Variants in SAPCD2 observed in about 807,000 individuals in gnomAD.
SAPCD2 encodes the protein suppressor APC domain-containing protein 2.
Under a neutral mutation model 37.8 loss-of-function variants are expected in SAPCD2, and 34 were observed. The observed-to-expected ratio is 0.90, with a 90% CI of 0.68 to 1.20. The LOEUF (loss-of-function observed/expected upper bound fraction) is 1.20. Ranked by LOEUF, SAPCD2 falls within the 50% of genes most tolerant of loss-of-function variation. The probability of loss-of-function intolerance (pLI) is 0.00; values close to 1 mark genes in which losing one functional copy is unlikely to be tolerated. For synonymous variants in SAPCD2, 275 were observed against 270.3 expected (o/e 1.02, Z -0.17); for missense variants, 572 against 584.7 (o/e 0.98, Z 0.22).
At position 137,063,417 on chromosome 9, in the gene SAPCD2, C is replaced by T. The variant is rs1433577287; in HGVS notation, c.*1242G>A. On this transcript the variant is annotated 3_prime_UTR_variant, in exon 6 of 6. Transcript: ENST00000409687. ...ACAGGTGCCTTGTGGGACAGTGTAC[C>T]AAAGTGCCCTGGACACGAGGGGGCC... 2.0e-5 allele frequency: 3 copies of T among 152,236 alleles called. No individual in the cohort carries two copies. The highest frequency in any genetic ancestry group is 7.2e-5 in the African/African-American group (3 of 41,424). 9.4% of individuals were successfully genotyped at this position (152,236 alleles called of 1,614,324 possible).
chr9:137,066,201 A>G (rs1832543541), intron 2 of SAPCD2, 61 bp downstream of exon 2: 6 of 1,359,170 alleles, frequency 4.4e-6, no homozygotes, highest in Non-Finnish European at 1.0e-6. Context: ...CCCTGCTCCC[A>G]TCCCGGCCTC....
chr9:137,067,635 G>A (rs371177801), intron 1 of SAPCD2, among the ~76,000 whole-genome samples: 37 of 151,288 alleles, frequency 2.4e-4, no homozygotes, highest in East Asian at 1.2e-3. Flanking sequence ...TTAGCAGGGC[G>A]TGGTGGCATG....
chr9:137,065,147 C>T lies in SAPCD2; in HGVS notation c.870G>A (p.Arg290=), dbSNP rs1173508654. 6 of 1,518,878 alleles carry T rather than the reference C, an allele frequency of 4.0e-6. No homozygotes were observed. The African/African-American group carries it at 5.5e-5, about 14-fold the overall frequency. 94.1% of individuals were successfully genotyped at this position (1,518,878 alleles called of 1,614,324 possible). The part of the protein sequence containing the change: ...GAAGSPRPLG[R]LLPKVQEVAR... ...CCACCTCTTGTACCTTGGGCAGTAG[C>T]CGCCCCAGTGGGCGGGGGCTCCCTG... Residue 290 remains arginine, a synonymous_variant, in exon 4 of 6, where the codon CGG becomes CGA. Coordinates refer to ENST00000409687, the MANE Select transcript of SAPCD2 (RefSeq NM_178448.4).
chr9:137,070,201 A>G lies in SAPCD2; in HGVS notation c.260T>C (p.Phe87Ser). 1.5e-6 allele frequency: 2 copies of G among 1,372,532 alleles called. No individual in the cohort carries two copies. The highest frequency in any genetic ancestry group is 1.9e-6 in the Non-Finnish European group (2 of 1,056,002). 85.0% of individuals were successfully genotyped at this position (1,372,532 alleles called of 1,614,324 possible). A position where few individuals can be genotyped will look rare whatever the true frequency, so the allele number is the denominator to read the frequency against. Residue 87 changes from phenylalanine to serine, a missense_variant, in exon 1 of 6, where the codon TTC becomes TCC. Transcript: ENST00000409687. ...PASGYLTFER[F>S]VAGLRTSLLS... Reference sequence around the variant, plus strand: ...CAGGGAGGTGCGCAGGCCGGCCACGAAGCGCTCGAAGGTCAGGTAGCCGCT... The same window carrying G: ...CAGGGAGGTGCGCAGGCCGGCCACGGAGCGCTCGAAGGTCAGGTAGCCGCT...
chr9:137,062,682 C>G lies in SAPCD2; in HGVS notation c.*1977G>C, dbSNP rs573435418. 2 of 152,266 alleles carry G rather than the reference C, an allele frequency of 1.3e-5. No homozygotes were observed. Among genetic ancestry groups the G allele is most frequent in the Admixed American group, 6.5e-5 (1 of 15,284 alleles). 9.4% of individuals were successfully genotyped at this position (152,266 alleles called of 1,614,324 possible). Reference sequence around the variant, plus strand: ...CCGCCCAGCGTCCTAGGGCAGGCTCCAGGCAGGGTCTGCATGTGCCTCTGC... The same window carrying G: ...CCGCCCAGCGTCCTAGGGCAGGCTCGAGGCAGGGTCTGCATGTGCCTCTGC... On this transcript the variant is annotated 3_prime_UTR_variant, in exon 6 of 6. Transcript: ENST00000409687.
chr9:137,066,141 G>T, intron 2 of SAPCD2, 121 bp downstream of exon 2: 1 of 796,258 alleles, frequency 1.3e-6, no homozygotes. Context: ...GGAGAGAGAT[G>T]TCCAGAGCTG....
In SAPCD2 at chr9:137,062,658, C is replaced by T. The variant is rs1038889738; in HGVS notation, c.*2001G>A. On this transcript the variant is annotated 3_prime_UTR_variant, in exon 6 of 6. Coordinates refer to ENST00000409687, the MANE Select transcript of SAPCD2 (RefSeq NM_178448.4). ...CTCACATCCTGCACGGAGACTGACC[C>T]GCCCAGCGTCCTAGGGCAGGCTCCA... is the stretch of plus-strand genomic sequence containing the variant. The T allele has an allele frequency of 1.2e-4, 19 of 152,264 alleles. No homozygotes were observed. Among genetic ancestry groups the T allele is most frequent in the Non-Finnish European group, 2.5e-4 (17 of 68,060 alleles). The allele number at this position is 152,264 out of a possible 1,614,324, so 9.4% of individuals were successfully genotyped here. A position where few individuals can be genotyped will look rare whatever the true frequency, so the allele number is the denominator to read the frequency against.
Position 137,064,849 on chromosome 9 carries a change from CG to C in SAPCD2, c.1056+13del, listed in dbSNP as rs1832519323. 2 of 1,568,690 alleles carry C rather than the reference CG, an allele frequency of 1.3e-6. No individual in the cohort carries two copies. Among genetic ancestry groups the C allele is most frequent in the Non-Finnish European group, 1.7e-6 (2 of 1,157,290 alleles). ...CTCACCCCCACCCCTGCACCCCTCC[CG>C]CGCCTGCCCTACCTGGGTGAGGAGT... is the stretch of plus-strand genomic sequence containing the variant. On this transcript the variant is annotated intron_variant, in intron 5 of 5. Coordinates refer to ENST00000409687, the MANE Select transcript of SAPCD2 (RefSeq NM_178448.4).
chr9:137,069,340 C>T (rs971140566), intron 1 of SAPCD2, among the ~76,000 whole-genome samples: 1 of 152,230 alleles, frequency 6.6e-6, no homozygotes, highest in Non-Finnish European at 1.5e-5. Flanking sequence ...GATCCACCCA[C>T]GCCCCTGCCC....
At chr9:137,068,404 C>T (rs1178851392) in intron 1 of SAPCD2, among the ~76,000 whole-genome samples, 2 of 152,210 alleles carry the variant, frequency 1.3e-5, no homozygotes, top group Admixed American at 6.5e-5. Flanking sequence ...TGGCTCTGCC[C>T]CTCCAGGGCC....
chr9:137,069,730 C>T (rs1832596694), intron 1 of SAPCD2, among the ~76,000 whole-genome samples, 160 bp downstream of exon 1: 1 of 152,244 alleles, frequency 6.6e-6, no homozygotes, highest in African/African-American at 2.4e-5. Context: ...CCCTTTCCCT[C>T]CAGACCCGCC....
intron 1 of SAPCD2, 52 bp downstream of exon 1, chr9:137,069,838 G>T (rs9411304): frequency 0.23 from 276,000 of 1,178,956 alleles, 33,865 homozygotes; most frequent in East Asian, 0.3. Context: ...TGCGGTTTCT[G>T]GCCCGGGCCC....
intron 1 of SAPCD2, among the ~76,000 whole-genome samples, chr9:137,068,302 C>T (rs1444826194): frequency 6.6e-6 from 1 of 152,168 alleles, no homozygotes; most frequent in Non-Finnish European, 1.5e-5. Context: ...CACCTGGGCC[C>T]GGTCTGTACA....
Position 137,070,356 on chromosome 9 carries a change from C to G in SAPCD2, c.105G>C (p.Leu35=). The change falls in exon 1 of 6, where the codon CTG becomes CTC. Residue 35 remains leucine, a synonymous_variant. Transcript: ENST00000409687. Reference sequence around the variant, plus strand: ...GCCGCCGGTCGTCCAGGATGTCGAACAGGGTGCGCAGGCTCTGCAGGAAGG... The same window carrying G: ...GCCGCCGGTCGTCCAGGATGTCGAAGAGGGTGCGCAGGCTCTGCAGGAAGG... ...PRAFLQSLRT[L]FDILDDRRRG... is the part of the protein sequence containing the mutation. 1 of 1,460,990 alleles carries G rather than the reference C, an allele frequency of 6.8e-7. No homozygotes were observed. Among genetic ancestry groups the G allele is most frequent in the Non-Finnish European group, 9.0e-7 (1 of 1,107,232 alleles). 90.5% of individuals were successfully genotyped at this position (1,460,990 alleles called of 1,614,324 possible).
intron 1 of SAPCD2, among the ~76,000 whole-genome samples, chr9:137,067,367 A>T (rs1035907406): frequency 2.0e-5 from 3 of 151,946 alleles, no homozygotes; most frequent in African/African-American, 7.2e-5. Flanking sequence ...GCTACTCAGG[A>T]GCCTGAGGCA....
chr9:137,065,288 G>A, intron 3 of SAPCD2, 103 bp from the exon 4 acceptor site: 1 of 955,386 alleles, frequency 1.0e-6, no homozygotes. Context: ...GCCTCCTGAT[G>A]CTGCAGAGAG....
At position 137,064,974 on chromosome 9, in the gene SAPCD2, C is replaced by T; in HGVS notation, c.945G>A (p.Leu315=). The change falls in exon 5 of 6, where the codon CTG becomes CTA. Residue 315 remains leucine, a synonymous_variant. Transcript: ENST00000409687. ...AGGGGGGCCCGGAGGAGGACGGGGG[C>T]AGGGCCTGCGGGAGGGCAGGATTAG... ...LLAAACASRA[L]PPSSSGPPCP... 1.3e-6 allele frequency: 2 copies of T among 1,522,520 alleles called. No homozygotes were observed. Among genetic ancestry groups the T allele is most frequent in the Non-Finnish European group, 1.8e-6 (2 of 1,125,202 alleles). The allele number at this position is 1,522,520 out of a possible 1,614,324, so 94.3% of individuals were successfully genotyped here.
At position 137,064,572 on chromosome 9, in the gene SAPCD2, A is replaced by G; in HGVS notation, c.*87T>C. ...GTGCCTGGGCCTGCCGGGGGTCTCC[A>G]GCCAGAGAGGGTGGGTGCGATGGGG... On this transcript the variant is annotated 3_prime_UTR_variant, in exon 6 of 6. Coordinates refer to ENST00000409687, the MANE Select transcript of SAPCD2 (RefSeq NM_178448.4). The G allele has an allele frequency of 6.8e-7, 1 of 1,480,450 alleles. No homozygotes were observed. Among genetic ancestry groups the G allele is most frequent in the East Asian group, 2.5e-5 (1 of 40,406 alleles). The allele number at this position is 1,480,450 out of a possible 1,614,324, so 91.7% of individuals were successfully genotyped here.
At chr9:137,065,386 A>C in intron 3 of SAPCD2, 136 bp downstream of exon 3, 1 of 1,173,826 alleles carries the variant, frequency 8.5e-7, no homozygotes, top group South Asian at 1.6e-5. Context: ...AGGCGGAGAA[A>C]GGGATGTCTC....
Sources: allele counts gnomAD v4.1 joint callset (sites outside exome capture counted in the v4.1 genomes callset), GRCh38; gene constraint gnomAD v4.1.1; transcripts MANE v1.5; gene names NCBI Gene and HGNC (gene_info 2026-07-23, HGNC 2026-07-21).